The following METAP1D variants were observed in gnomAD, a reference collection of about 807,000 sequenced individuals.
METAP1D encodes methionine aminopeptidase 1D, mitochondrial.
A neutral mutation model predicts 40.5 loss-of-function variants in METAP1D; 31 were observed. The observed-to-expected ratio is 0.77, with a 90% CI of 0.58 to 1.03. The LOEUF (loss-of-function observed/expected upper bound fraction) is 1.03. Among genes scored for constraint, METAP1D ranks in the 50% least tolerant of loss-of-function variants. The pLI, the probability that METAP1D is intolerant of heterozygous loss-of-function variation, is 0.00. For synonymous variants in METAP1D, 151 were observed against 146.4 expected (o/e 1.03, Z -0.22); for missense variants, 411 against 420.7 (o/e 0.98, Z 0.20).
chr2:172,073,500 A>C (rs1182886169), intron 6 of METAP1D, among the ~76,000 whole-genome samples: 2 of 152,180 alleles, frequency 1.3e-5, no homozygotes, highest in Admixed American at 1.3e-4. Context: ...AGCTTTTTTG[A>C]AAACCAGATC....
chr2:172,002,589 A>G (rs1218326304), intron 1 of METAP1D, among the ~76,000 whole-genome samples: 1 of 152,136 alleles, frequency 6.6e-6, no homozygotes, highest in Non-Finnish European at 1.5e-5. Flanking sequence ...TAGAGGAGAG[A>G]AGAAAAATGT....
At chr2:172,003,613 G>A (rs1688517343) in intron 1 of METAP1D, among the ~76,000 whole-genome samples, 1 of 152,102 alleles carries the variant, frequency 6.6e-6, no homozygotes, top group Non-Finnish European at 1.5e-5. Context: ...GTGAAGAGGT[G>A]CCTTCTGCCA....
intron 1 of METAP1D, among the ~76,000 whole-genome samples, chr2:172,016,913 A>C (rs1000867398): frequency 6.6e-6 from 1 of 151,916 alleles, no homozygotes; most frequent in East Asian, 2.0e-4. Flanking sequence ...CCAGCTCTTC[A>C]TCTGGCTAAT....
intron 1 of METAP1D, among the ~76,000 whole-genome samples, chr2:172,043,020 C>T (rs1490076013): frequency 3.9e-5 from 3 of 76,096 alleles, no homozygotes; most frequent in Admixed American, 1.2e-4. Flanking sequence ...TATGTGTACA[C>T]ATATATGTGT....
At chr2:172,012,191 C>T (rs1008788648) in intron 1 of METAP1D, among the ~76,000 whole-genome samples, 8 of 152,166 alleles carry the variant, frequency 5.3e-5, no homozygotes, top group African/African-American at 1.4e-4. Flanking sequence ...GCCTTATTCT[C>T]CTCAAACTAG....
intron 1 of METAP1D, among the ~76,000 whole-genome samples, chr2:172,055,494 T>A (rs1363251656): frequency 6.6e-6 from 1 of 152,218 alleles, no homozygotes; most frequent in Non-Finnish European, 1.5e-5. Flanking sequence ...CTTATTTGTA[T>A]TGTGATAAAC....
At chr2:172,078,326 G>A (rs1249502927) in intron 7 of METAP1D, among the ~76,000 whole-genome samples, 2 of 152,176 alleles carry the variant, frequency 1.3e-5, no homozygotes, top group Non-Finnish European at 2.9e-5. Flanking sequence ...GTTGACAGCT[G>A]ATGTATTTAG....
intron 3 of METAP1D, among the ~76,000 whole-genome samples, chr2:172,064,911 A>G (rs1354593569): frequency 6.6e-6 from 1 of 152,218 alleles, no homozygotes. Flanking sequence ...ATTTATGTTT[A>G]TGGAGTTTAT....
chr2:172,008,410 A>C (rs1688638591), intron 1 of METAP1D, among the ~76,000 whole-genome samples: 1 of 152,214 alleles, frequency 6.6e-6, no homozygotes, highest in African/African-American at 2.4e-5. Context: ...GCCCTGTCCC[A>C]GCAAGGAAAG....
intron 6 of METAP1D, among the ~76,000 whole-genome samples, chr2:172,072,958 G>A (rs1375586656): frequency 6.6e-6 from 1 of 152,120 alleles, no homozygotes; most frequent in Non-Finnish European, 1.5e-5. Context: ...GTCACAGTAG[G>A]AATAATTAGC....
intron 5 of METAP1D, among the ~76,000 whole-genome samples, chr2:172,067,940 C>G (rs1690324310): frequency 6.6e-6 from 1 of 152,170 alleles, no homozygotes. Flanking sequence ...TCCTATGTTT[C>G]TATCAGAAAA....
chr2:172,036,740 G>T lies in METAP1D; in HGVS notation c.41-24758G>T, dbSNP rs1013517676. 2.0e-5 allele frequency among the ~76,000 whole-genome samples: 3 copies of T among 152,222 alleles called. No homozygotes were observed. The East Asian group carries it at 5.8e-4, about 29-fold the overall frequency. On this transcript the variant is annotated intron_variant, in intron 1 of 9. Coordinates refer to ENST00000315796, the MANE Select transcript of METAP1D (RefSeq NM_199227.3). ...ACTTCTGTATGCATTTCTTTTATGT[G>T]TATACCTAGGATTGAATTAGTGACT...
At chr2:172,041,018 G>A (rs1026782563) in intron 1 of METAP1D, among the ~76,000 whole-genome samples, 2 of 151,004 alleles carry the variant, frequency 1.3e-5, no homozygotes, top group Admixed American at 1.3e-4. Context: ...CGCCCGCCTC[G>A]GCCTCCCAAA....
At chr2:172,029,777 C>CA (rs1689197895) in intron 1 of METAP1D, among the ~76,000 whole-genome samples, 2 of 152,134 alleles carry the variant, frequency 1.3e-5, no homozygotes. Context: ...TTTTTTGAGA[C>CA]AAAGTCTCAC....
intron 1 of METAP1D, among the ~76,000 whole-genome samples, chr2:172,036,303 C>T (rs1414191630): frequency 4.5e-5 from 6 of 134,702 alleles, no homozygotes; most frequent in East Asian, 4.9e-4. Flanking sequence ...GGCGACAGAG[C>T]GAGACTCTGT....
intron 6 of METAP1D, among the ~76,000 whole-genome samples, chr2:172,075,379 C>T (rs547293962): frequency 1.3e-4 from 20 of 152,290 alleles, no homozygotes; most frequent in Non-Finnish European, 2.4e-4. Context: ...CAAGAAAACT[C>T]TTGTGCACAG....
At chr2:172,003,924 CT>C (rs1688524275) in intron 1 of METAP1D, among the ~76,000 whole-genome samples, 1 of 152,020 alleles carries the variant, frequency 6.6e-6, no homozygotes, top group Non-Finnish European at 1.5e-5. Flanking sequence ...ACCACCACGC[CT>C]GGCTAATTTT....
chr2:172,079,432 A>G (rs562330826), intron 8 of METAP1D, among the ~76,000 whole-genome samples, 170 bp downstream of exon 8: 2 of 152,360 alleles, frequency 1.3e-5, no homozygotes, highest in Admixed American at 6.5e-5. Context: ...CATCTTCCTA[A>G]ATCAGATACT....
chr2:172,038,782 C>G (rs1332512871), intron 1 of METAP1D, among the ~76,000 whole-genome samples: 2 of 152,182 alleles, frequency 1.3e-5, no homozygotes, highest in African/African-American at 4.8e-5. Context: ...CATAAATTCT[C>G]AATGTCAGTT....
Sources: allele counts gnomAD v4.1 joint callset (sites outside exome capture counted in the v4.1 genomes callset), GRCh38; gene constraint gnomAD v4.1.1; transcripts MANE v1.5; gene names NCBI Gene and HGNC (gene_info 2026-07-23, HGNC 2026-07-21).